The following MED13L variants were observed in gnomAD, a reference collection of about 807,000 sequenced individuals.
MED13L encodes the protein mediator of RNA polymerase II transcription subunit 13-like.
A neutral mutation model predicts 220.9 loss-of-function variants in MED13L; 7 were observed. The observed-to-expected ratio is 0.03, with a 90% CI of 0.02 to 0.06. The LOEUF (loss-of-function observed/expected upper bound fraction) is 0.06, where lower values mean the gene tolerates loss of function less well. Among genes scored for constraint, MED13L ranks in the 10% least tolerant of loss-of-function variants. The pLI, the probability that MED13L is intolerant of heterozygous loss-of-function variation, is 1.00. For missense variants in MED13L, 1,965 were observed against 2,760.5 expected, an observed-to-expected ratio of 0.71 and a Z score of 6.46; for synonymous variants, 1,011 against 1,015.2, an observed-to-expected ratio of 1.00 and a Z score of 0.08.
Position 115,991,087 on chromosome 12 carries a change from G to C in MED13L, c.3867C>G (p.Pro1289=). The C allele has an allele frequency of 6.2e-7, 1 of 1,614,184 alleles. No individual in the cohort carries two copies. The highest frequency in any genetic ancestry group is 8.5e-7 in the Non-Finnish European group (1 of 1,180,042). ...LEQGRQYVDN[P]TGGKVDEALV... ...GAGCTTCGTCCACTTTTCCACCAGTGGGGTTATCCACATACTGCCGCCCCT... is the reference window on the plus strand; with the variant it reads ...GAGCTTCGTCCACTTTTCCACCAGTCGGGTTATCCACATACTGCCGCCCCT... The change falls in exon 17 of 31, where the codon CCC becomes CCG. Residue 1289 remains proline (P), a synonymous_variant. Coordinates refer to ENST00000281928, the MANE Select transcript of MED13L (RefSeq NM_015335.5). The surrounding 1 kb of genome is among the most constrained non-coding windows in gnomAD (Gnocchi z 7.7).
rs1379281082 is a variant in MED13L, at chr12:115,991,822, A to G, written c.3132T>C (p.Pro1044=). The part of the protein sequence containing the change: ...GAGVLPSPAT[P]RFSVPTPRTP... ...TTCGTGGTGTGGGGACAGAGAAGCG[A>G]GGGGTTGCTGGAGATGGTAGGACTC... is the stretch of plus-strand genomic sequence containing the variant. Residue 1044 remains proline, a synonymous_variant, in exon 17 of 31, where the codon CCT becomes CCC. Transcript: ENST00000281928. This position sits in a 1 kb window ranked among gnomAD's most constrained non-coding sequence, Gnocchi z 7.7. 6.2e-7 allele frequency: 1 copy of G among 1,612,788 alleles called. No homozygotes were observed. Among genetic ancestry groups the G allele is most frequent in the Non-Finnish European group, 8.5e-7 (1 of 1,179,968 alleles).
intron 2 of MED13L, among the ~76,000 whole-genome samples, chr12:116,172,594 G>T (rs1593127338): frequency 2.0e-5 from 3 of 152,230 alleles, no homozygotes; most frequent in Admixed American, 2.0e-4. Context: ...GTACCTCCAG[G>T]CAACACAGCA....
At chr12:115,964,873 G>A (rs2137197255) in intron 29 of MED13L, among the ~76,000 whole-genome samples, 2 of 152,274 alleles carry the variant, frequency 1.3e-5, no homozygotes, top group South Asian at 4.1e-4. Context: ...CGGTGTGCAG[G>A]AACCACATTC....
intron 23 of MED13L, among the ~76,000 whole-genome samples, chr12:115,976,729 C>G (rs927987159): frequency 3.3e-5 from 5 of 152,116 alleles, no homozygotes; most frequent in African/African-American, 1.2e-4. Context: ...TTTTAATTGT[C>G]ATATTTTTTA....
chr12:115,994,493 C>T (rs1358834123), intron 16 of MED13L, among the ~76,000 whole-genome samples: 1 of 151,978 alleles, frequency 6.6e-6, no homozygotes, highest in Non-Finnish European at 1.5e-5. Context: ...AAAAACAAAA[C>T]CTTCATCACA....
At chr12:116,211,905 AGGC>A (rs1319828409) in intron 2 of MED13L, among the ~76,000 whole-genome samples, 1 of 152,214 alleles carries the variant, frequency 6.6e-6, no homozygotes. Context: ...CATATTACTA[AGGC>A]TGTAAAGCAA....
intron 11 of MED13L, chr12:116,006,894 A>G (rs1038321468): frequency 4.8e-6 from 1 of 210,110 alleles, no homozygotes; most frequent in African/African-American, 2.3e-5. Flanking sequence ...ATTTGAAATT[A>G]AAGACAGCAG....
At chr12:116,198,574 G>C (rs572702936) in intron 2 of MED13L, among the ~76,000 whole-genome samples, 2 of 152,168 alleles carry the variant, frequency 1.3e-5, no homozygotes, top group Non-Finnish European at 2.9e-5. Flanking sequence ...CCACTCATGG[G>C]GTCAAAGGAG....
chr12:116,223,665 T>C (rs1015875174), intron 2 of MED13L, among the ~76,000 whole-genome samples: 2 of 151,832 alleles, frequency 1.3e-5, no homozygotes, highest in African/African-American at 4.8e-5. Context: ...GATCACACCA[T>C]TGCACTCCAG....
At chr12:116,205,532 G>GAAAAA (rs34982320) in intron 2 of MED13L, among the ~76,000 whole-genome samples, 1 of 94,028 alleles carries the variant, frequency 1.1e-5, no homozygotes, top group Non-Finnish European at 2.1e-5. Flanking sequence ...CAAAGGAAGA[G>GAAAAA]AAAAAAAAAA....
chr12:116,126,399 T>C (rs1875592821), intron 2 of MED13L, among the ~76,000 whole-genome samples: 1 of 152,160 alleles, frequency 6.6e-6, no homozygotes, highest in African/African-American at 2.4e-5. Context: ...CCTGGGCGGC[T>C]CCCATAACAC....
intron 2 of MED13L, among the ~76,000 whole-genome samples, chr12:116,159,940 C>A (rs1878735436): frequency 6.6e-6 from 1 of 152,194 alleles, no homozygotes; most frequent in South Asian, 2.1e-4. Context: ...GATTACTGTA[C>A]ATTTCATTAA....
At chr12:116,270,945 G>A (rs1297616708) in intron 1 of MED13L, among the ~76,000 whole-genome samples, 1 of 149,244 alleles carries the variant, frequency 6.7e-6, no homozygotes, top group Non-Finnish European at 1.5e-5. Flanking sequence ...GGGAGGCTGA[G>A]GCAGGAAAAT....
chr12:116,075,177 T>C (rs758892963), intron 4 of MED13L, among the ~76,000 whole-genome samples: 2 of 152,252 alleles, frequency 1.3e-5, no homozygotes, highest in Non-Finnish European at 2.9e-5. Context: ...ATACGGTATT[T>C]ATTATTTCTT....
chr12:115,961,480 T>C (rs1875751421), intron 30 of MED13L, 82 bp from the exon 31 acceptor site: 2 of 1,567,230 alleles, frequency 1.3e-6, no homozygotes, highest in Admixed American at 3.4e-5. Flanking sequence ...TTCCAGATCT[T>C]AGCAGGAAGG....
chr12:116,076,677 C>A (rs1027058597), intron 4 of MED13L, among the ~76,000 whole-genome samples: 1 of 152,156 alleles, frequency 6.6e-6, no homozygotes, highest in Admixed American at 6.5e-5. Flanking sequence ...AATATTGTGA[C>A]AAGTCTGAAC....
Position 115,959,020 on chromosome 12 carries a change from A to C in MED13L, c.*2246T>G, listed in dbSNP as rs1014875118. ...AAAATTAAAAATAAAAAAAAATAAA[A>C]TAACTTCTCACTCTGTAGCAAATCC... On this transcript the variant is annotated 3_prime_UTR_variant, in exon 31 of 31. Coordinates refer to ENST00000281928, the MANE Select transcript of MED13L (RefSeq NM_015335.5). The C allele has an allele frequency of 6.6e-6, 1 of 152,614 alleles. No individual in the cohort carries two copies. The highest frequency in any genetic ancestry group is 2.4e-5 in the African/African-American group (1 of 41,468). 9.5% of individuals were successfully genotyped at this position (152,614 alleles called of 1,614,324 possible).
chr12:115,972,260 A>T (rs1876637030), intron 25 of MED13L, 24 bp from the exon 26 acceptor site: 1 of 1,610,518 alleles, frequency 6.2e-7, no homozygotes, highest in African/African-American at 1.3e-5. Context: ...TCGCAGTCAT[A>T]CACAGTCTTT....
At chr12:115,966,006 G>A in intron 29 of MED13L, 76 bp downstream of exon 29, 1 of 1,552,324 alleles carries the variant, frequency 6.4e-7, no homozygotes, top group Non-Finnish European at 8.9e-7. Flanking sequence ...GACTAAAACT[G>A]AAATTTCTAA....
Sources: gnomAD v4.1 joint callset for allele counts (sites outside exome capture counted in the v4.1 genomes callset) on GRCh38, gnomAD v4.1.1 for gene constraint, Gnocchi (gnomAD v3.1) non-coding constraint, MANE v1.5 for transcripts, NCBI Gene and HGNC (gene_info 2026-07-23, HGNC 2026-07-21) for gene names.